PLXNA2: variants seen among roughly 807,000 people sequenced by gnomAD.
PLXNA2 encodes plexin-A2.
In PLXNA2, 91 loss-of-function variants were observed where a neutral mutation model predicts 193.5. That is an observed-to-expected ratio of 0.47 (90% CI 0.40 to 0.56). The LOEUF (loss-of-function observed/expected upper bound fraction) is 0.56. PLXNA2 is among the 20% of genes least tolerant of loss of function. The pLI is 0.00. For missense variants in PLXNA2, 1,995 were observed against 2,503.2 expected, an observed-to-expected ratio of 0.80 and a Z score of 4.33; for synonymous variants, 997 against 1,027.3, an observed-to-expected ratio of 0.97 and a Z score of 0.56.
chr1:208,031,871 G>A (rs1664515340), intron 28 of PLXNA2, 112 bp from the exon 29 acceptor site: 8 of 1,279,242 alleles, frequency 6.3e-6, no homozygotes, highest in Non-Finnish European at 8.6e-6. Flanking sequence ...TCTGGGACAC[G>A]AGGCTGTGCA....
At chr1:208,182,172 C>T (rs528078960) in intron 3 of PLXNA2, among the ~76,000 whole-genome samples, 9 of 152,294 alleles carry the variant, frequency 5.9e-5, no homozygotes, top group East Asian at 3.9e-4. Flanking sequence ...CAGTGGCTCA[C>T]GCCTGTAAAC....
At chr1:208,164,488 G>C (rs1461799737) in intron 3 of PLXNA2, among the ~76,000 whole-genome samples, 1 of 152,176 alleles carries the variant, frequency 6.6e-6, no homozygotes, top group African/African-American at 2.4e-5. Context: ...CTTCCATTGA[G>C]GGCCAGTTCC....
chr1:208,145,619 G>T (rs1571965709), intron 3 of PLXNA2, among the ~76,000 whole-genome samples: 2 of 152,184 alleles, frequency 1.3e-5, no homozygotes, highest in East Asian at 3.8e-4. Flanking sequence ...TGGTCCCTGG[G>T]ACCAGATGGT....
At chr1:208,161,528 T>G (rs1451204834) in intron 3 of PLXNA2, among the ~76,000 whole-genome samples, 1 of 151,822 alleles carries the variant, frequency 6.6e-6, no homozygotes, top group Non-Finnish European at 1.5e-5. Context: ...CACGAGAGAG[T>G]AGATTACTAA....
chr1:208,209,983 A>AATTTTTTTTTTTTTTTT (rs34413554), intron 3 of PLXNA2: 1,448 of 87,888 alleles, frequency 0.016, 620 homozygotes, highest in South Asian at 0.043. Context: ...ATGAAGAGCA[A>AATTTTTTTTTTTTTTTT]TTTTTTTTTT....
At chr1:208,174,282 G>T (rs998760617) in intron 3 of PLXNA2, among the ~76,000 whole-genome samples, 1 of 152,154 alleles carries the variant, frequency 6.6e-6, no homozygotes, top group African/African-American at 2.4e-5. Flanking sequence ...ATGGTTGTGT[G>T]TGGGGTTGGG....
In PLXNA2 at chr1:208,142,457, C is replaced by G; in HGVS notation, c.1378G>C (p.Ala460Pro). ...TKSGKLKKIR[A>P]DGPPHGGVQY... ...ACCCCACCATGGGGGGGACCGTCGG[C>G]CCGAATCTGTATGAGAAACAAGGGT... is the stretch of plus-strand genomic sequence containing the variant. Residue 460 changes from alanine to proline, a missense_variant, in exon 4 of 32, where the codon GCC becomes CCC. By Grantham distance (27) the Ala-to-Pro change is conservative (BLOSUM62 -1). Transcript: ENST00000367033. The G allele has an allele frequency of 6.2e-7, 1 of 1,605,502 alleles. No individual in the cohort carries two copies. The highest frequency in any genetic ancestry group is 8.5e-7 in the Non-Finnish European group (1 of 1,176,750).
intron 5 of PLXNA2, among the ~76,000 whole-genome samples, chr1:208,100,995 C>T (rs944439489): frequency 6.6e-6 from 1 of 152,242 alleles, no homozygotes; most frequent in African/African-American, 2.4e-5. Context: ...ACTCCTCCCC[C>T]TCTTCCTTTT....
chr1:208,131,909 T>C (rs1049571082), intron 4 of PLXNA2, among the ~76,000 whole-genome samples: 2 of 152,168 alleles, frequency 1.3e-5, no homozygotes, highest in Non-Finnish European at 2.9e-5. Flanking sequence ...CTCCCGGCTA[T>C]GCCTCCTAAA....
At chr1:208,041,235 C>A (rs919090318) in intron 22 of PLXNA2, among the ~76,000 whole-genome samples, 5 of 152,206 alleles carry the variant, frequency 3.3e-5, no homozygotes, top group African/African-American at 1.2e-4. Flanking sequence ...CCACGTGGGG[C>A]CTGGAAGCCT....
At chr1:208,060,645 TGAAGCTCCCATGG>T in intron 13 of PLXNA2, 28 bp downstream of exon 13, 1 of 1,577,242 alleles carries the variant, frequency 6.3e-7, no homozygotes, top group Non-Finnish European at 8.6e-7. Flanking sequence ...GTCTCCACTC[TGAAGCTCCCATGG>T]GAAAAGGGCT....
At chr1:208,099,959 G>A (rs1207552976) in intron 5 of PLXNA2, among the ~76,000 whole-genome samples, 1 of 152,038 alleles carries the variant, frequency 6.6e-6, no homozygotes, top group Non-Finnish European at 1.5e-5. Flanking sequence ...CCATGGAAAA[G>A]CAAATGAACT....
intron 14 of PLXNA2, among the ~76,000 whole-genome samples, chr1:208,054,147 A>C (rs1056432533): frequency 1.3e-5 from 2 of 152,220 alleles, no homozygotes; most frequent in African/African-American, 4.8e-5. Context: ...CTTTCTAAGA[A>C]AGGCTGGATT....
intron 4 of PLXNA2, among the ~76,000 whole-genome samples, chr1:208,111,877 C>CA (rs1191306899): frequency 1.3e-5 from 2 of 152,160 alleles, no homozygotes; most frequent in Non-Finnish European, 2.9e-5. Flanking sequence ...AAAAGAGGCA[C>CA]AAAAACCCCA....
intron 4 of PLXNA2, among the ~76,000 whole-genome samples, chr1:208,114,006 T>C (rs778100629): frequency 3.3e-5 from 5 of 152,160 alleles, no homozygotes; most frequent in Non-Finnish European, 7.3e-5. Context: ...AATAGAAGGT[T>C]GAAGCCACCT....
At position 208,125,806 on chromosome 1, in the gene PLXNA2, C is replaced by T. The variant is rs529167040; in HGVS notation, c.1506+16523G>A. Among the ~76,000 whole-genome samples the T allele has an allele frequency of 1.2e-4, 18 of 152,316 alleles. 1 individual carries two copies. The highest frequency in any genetic ancestry group is 4.1e-4 in the African/African-American group (17 of 41,572). ...GAGGGGATAGGCTGCTTCCAACCTGCATCCGCTCCCCAAGTAGCTTAAAGC... is the reference window on the plus strand; with the variant it reads ...GAGGGGATAGGCTGCTTCCAACCTGTATCCGCTCCCCAAGTAGCTTAAAGC... On this transcript the variant is annotated intron_variant, in intron 4 of 31. Transcript: ENST00000367033.
chr1:208,172,150 ACCAACGTAACAGCAG>A (rs1448927501), intron 3 of PLXNA2, among the ~76,000 whole-genome samples: 1 of 151,766 alleles, frequency 6.6e-6, no homozygotes. Context: ...AGACTTTTGC[ACCAACGTAACAGCAG>A]CCTGAAGAGT....
chr1:208,139,912 C>T (rs1668413204), intron 4 of PLXNA2, among the ~76,000 whole-genome samples: 1 of 152,172 alleles, frequency 6.6e-6, no homozygotes, highest in Non-Finnish European at 1.5e-5. Flanking sequence ...ATTTACGGCT[C>T]TCCAGGTGAC....
At chr1:208,124,066 G>A (rs1667887628) in intron 4 of PLXNA2, among the ~76,000 whole-genome samples, 1 of 152,160 alleles carries the variant, frequency 6.6e-6, no homozygotes, top group African/African-American at 2.4e-5. Context: ...AGGGCCACTG[G>A]TAAAGAAACT....
Sources: gnomAD v4.1 joint callset for allele counts (sites outside exome capture counted in the v4.1 genomes callset) on GRCh38, gnomAD v4.1.1 for gene constraint, MANE v1.5 for transcripts, NCBI Gene and HGNC (gene_info 2026-07-23, HGNC 2026-07-21) for gene names.